TMIGD3: variants seen among roughly 807,000 people sequenced by gnomAD.
The protein encoded by TMIGD3 is AD026 protein (AD026).
TMIGD3 carries 21 observed loss-of-function variants against 28.1 expected under a neutral mutation model. The ratio of observed to expected loss-of-function variants is 0.75; its 90% confidence interval spans 0.53 to 1.08. The LOEUF is 1.08. TMIGD3 is among the 50% of genes least tolerant of loss of function. TMIGD3 has a pLI of 0.00. For synonymous variants in TMIGD3, 151 were observed against 162.1 expected (o/e 0.93, Z 0.52); for missense variants, 416 against 435.6 (o/e 0.96, Z 0.40).
At chr1:111,493,738 C>T (rs964574382) in intron 1 of TMIGD3, among the ~76,000 whole-genome samples, 1 of 152,180 alleles carries the variant, frequency 6.6e-6, no homozygotes, top group Non-Finnish European at 1.5e-5. Context: ...AAGCTTAAGT[C>T]GCTTGCCCAC....
intron 1 of TMIGD3, among the ~76,000 whole-genome samples, chr1:111,508,771 T>A (rs1339136564): frequency 2.0e-5 from 3 of 152,228 alleles, no homozygotes. Context: ...AAGGCAGGTA[T>A]CATCAATCTC....
intron 1 of TMIGD3, among the ~76,000 whole-genome samples, chr1:111,522,548 GCTCT>G (rs1189047551): frequency 1.4e-5 from 2 of 142,808 alleles, no homozygotes; most frequent in Non-Finnish European, 3.0e-5. Flanking sequence ...ACAGAGTCTC[GCTCT>G]GTCACCCAGG....
rs770697740 is a variant in TMIGD3 at position 111,500,031 on chromosome 1, G to A, written c.350+2974C>T. On this transcript the variant is annotated intron_variant, in intron 1 of 5. Transcript: ENST00000369716. Reference sequence around the variant, plus strand: ...CACAAGCTTTGAGGATCAAAAGGTAGGTTTCCTTGAACTTCTTTATTTTAT... The same window carrying A: ...CACAAGCTTTGAGGATCAAAAGGTAAGTTTCCTTGAACTTCTTTATTTTAT... 5 of 1,614,192 alleles carry A rather than the reference G, an allele frequency of 3.1e-6. No individual in the cohort carries two copies. In the Admixed American group the frequency reaches 8.3e-5, roughly 27 times the overall value.
intron 1 of TMIGD3, among the ~76,000 whole-genome samples, chr1:111,541,185 G>C (rs1313253511): frequency 6.6e-6 from 1 of 152,200 alleles, no homozygotes; most frequent in African/African-American, 2.4e-5. Context: ...TTTGGCTCAG[G>C]AGTCATAGCT....
chr1:111,501,142 G>C (rs1271004982), intron 1 of TMIGD3: 2 of 153,086 alleles, frequency 1.3e-5, no homozygotes, highest in Admixed American at 6.5e-5. Context: ...CTGTTTGGCT[G>C]TTGTGCAGAT....
chr1:111,502,343 A>ATT (rs1315296053), intron 1 of TMIGD3, among the ~76,000 whole-genome samples: 1 of 140,230 alleles, frequency 7.1e-6, no homozygotes, highest in African/African-American at 2.6e-5. Flanking sequence ...TATATTTATT[A>ATT]TAATGAATAT....
chr1:111,513,928 G>C (rs1374193300), intron 1 of TMIGD3, among the ~76,000 whole-genome samples: 1 of 152,188 alleles, frequency 6.6e-6, no homozygotes, highest in Non-Finnish European at 1.5e-5. Flanking sequence ...GTTGGGGTGC[G>C]GTTGCATGGG....
At chr1:111,501,987 GA>G (rs1190664344) in intron 1 of TMIGD3, among the ~76,000 whole-genome samples, 2 of 143,334 alleles carry the variant, frequency 1.4e-5, no homozygotes, top group African/African-American at 5.1e-5. Flanking sequence ...GGAGGAGGAG[GA>G]AAAATATACA....
At chr1:111,523,236 A>G (rs952779291) in intron 1 of TMIGD3, among the ~76,000 whole-genome samples, 12 of 152,190 alleles carry the variant, frequency 7.9e-5, no homozygotes, top group African/African-American at 2.9e-4. Flanking sequence ...TATTGACACA[A>G]TGATATGGTT....
intron 1 of TMIGD3, among the ~76,000 whole-genome samples, chr1:111,527,828 C>T (rs1235804706): frequency 6.6e-6 from 1 of 152,048 alleles, no homozygotes; most frequent in Non-Finnish European, 1.5e-5. Context: ...AGGTCTTTTG[C>T]CCATCTTTTA....
At chr1:111,485,933 G>A (rs1247335114) in intron 4 of TMIGD3, 93 bp from the exon 5 acceptor site, 4 of 942,678 alleles carry the variant, frequency 4.2e-6, no homozygotes, top group Non-Finnish European at 6.6e-6. Context: ...TTGCACCCCT[G>A]CCCACCCCCC....
chr1:111,552,190 T>C (rs1212519711), intron 1 of TMIGD3, among the ~76,000 whole-genome samples: 1 of 152,206 alleles, frequency 6.6e-6, no homozygotes, highest in African/African-American at 2.4e-5. Context: ...TTTGAGCCCA[T>C]CTCTTAGGGA....
chr1:111,495,257 A>G (rs1251533536), intron 1 of TMIGD3, among the ~76,000 whole-genome samples: 1 of 152,246 alleles, frequency 6.6e-6, no homozygotes, highest in Non-Finnish European at 1.5e-5. Context: ...TAAGGAACTT[A>G]AACAAATTTA....
At chr1:111,542,997 G>A (rs1305968080) in intron 1 of TMIGD3, among the ~76,000 whole-genome samples, 2 of 152,056 alleles carry the variant, frequency 1.3e-5, no homozygotes, top group African/African-American at 2.4e-5. Context: ...CATGGCGCCC[G>A]GCCATGTATT....
upstream of TMIGD3, among the ~76,000 whole-genome samples, chr1:111,505,548 T>C (rs1655457122): frequency 6.6e-6 from 1 of 152,198 alleles, no homozygotes; most frequent in Non-Finnish European, 1.5e-5. Context: ...AGAAGGACTT[T>C]CACAGTCACT....
At chr1:111,562,127 A>T (rs955150297) in intron 1 of TMIGD3, among the ~76,000 whole-genome samples, 1 of 151,990 alleles carries the variant, frequency 6.6e-6, no homozygotes, top group African/African-American at 2.4e-5. Context: ...TTTCTTTTCT[A>T]TGAGATGGTC....
chr1:111,535,689 G>A (rs894104043), intron 1 of TMIGD3, among the ~76,000 whole-genome samples: 1 of 152,156 alleles, frequency 6.6e-6, no homozygotes, highest in Middle Eastern at 3.2e-3. Flanking sequence ...CGATAACTCC[G>A]TTTGGAATGT....
chr1:111,558,760 A>G (rs1012783982), intron 1 of TMIGD3, among the ~76,000 whole-genome samples: 31 of 152,318 alleles, frequency 2.0e-4, no homozygotes, highest in African/African-American at 7.2e-4. Context: ...TAAAGTAAAA[A>G]ATGACAAACT....
chr1:111,503,872 T>A, upstream of TMIGD3: 1 of 993,134 alleles, frequency 1.0e-6, no homozygotes, highest in Non-Finnish European at 1.2e-6. Flanking sequence ...GGTATCAGAG[T>A]TCATTCATTC....
Sources: allele counts gnomAD v4.1 joint callset (sites outside exome capture counted in the v4.1 genomes callset), GRCh38; gene constraint gnomAD v4.1.1; transcripts MANE v1.5; gene names NCBI Gene and HGNC (gene_info 2026-07-23, HGNC 2026-07-21).